Variants in ABTB3 observed in about 807,000 individuals in gnomAD.
ABTB3 encodes ankyrin repeat- and BTB/POZ domain-containing protein 3.
At chr12:107,426,041 A>T in the ABTB3 span, among the ~76,000 whole-genome samples, 1 of 142,106 alleles carries the variant, frequency 7.0e-6, no homozygotes, top group Non-Finnish European at 1.5e-5. Context: ...CCTCCCTCCC[A>T]CCCCCAGCAA....
chr12:107,482,418 T>C, the ABTB3 span, among the ~76,000 whole-genome samples: 1 of 152,126 alleles, frequency 6.6e-6, no homozygotes, highest in East Asian at 1.9e-4. Context: ...TTTGCTCTCT[T>C]CATGGCCGGG....
the ABTB3 span, among the ~76,000 whole-genome samples, chr12:107,586,023 G>T: frequency 6.6e-6 from 1 of 152,192 alleles, no homozygotes; most frequent in Non-Finnish European, 1.5e-5. Context: ...GCAGACAAAT[G>T]AGCAAGATTA....
chr12:107,324,818 T>A, the ABTB3 span, among the ~76,000 whole-genome samples: 1 of 152,184 alleles, frequency 6.6e-6, no homozygotes, highest in South Asian at 2.1e-4. Context: ...GAAGAGGCAG[T>A]ATGGAATGAT....
chr12:107,645,890 T>C, the ABTB3 span, among the ~76,000 whole-genome samples: 2 of 152,196 alleles, frequency 1.3e-5, no homozygotes, highest in African/African-American at 4.8e-5. Context: ...CCCGGGGACT[T>C]TTCCGTGTGC....
chr12:107,367,705 A>G, the ABTB3 span, among the ~76,000 whole-genome samples: 1 of 151,958 alleles, frequency 6.6e-6, no homozygotes, highest in Admixed American at 6.6e-5. Context: ...GGATTTTACC[A>G]TGTTGCCCAG....
At chr12:107,512,677 CA>C in the ABTB3 span, among the ~76,000 whole-genome samples, 1 of 152,198 alleles carries the variant, frequency 6.6e-6, no homozygotes, top group Non-Finnish European at 1.5e-5. Flanking sequence ...GCTCTGGAAT[CA>C]GAAGACTTGG....
chr12:107,656,272 G>A, the ABTB3 span, among the ~76,000 whole-genome samples: 90 of 150,530 alleles, frequency 6.0e-4, no homozygotes, highest in East Asian at 0.016. Flanking sequence ...CCGTACTCCA[G>A]CCTGAGCCAC....
the ABTB3 span, among the ~76,000 whole-genome samples, chr12:107,546,409 A>G: frequency 6.6e-6 from 1 of 152,304 alleles, no homozygotes; most frequent in African/African-American, 2.4e-5. Flanking sequence ...CCCCAGTCAG[A>G]AAACTGAGAC....
chr12:107,371,311 A>G, the ABTB3 span, among the ~76,000 whole-genome samples: 1 of 152,190 alleles, frequency 6.6e-6, no homozygotes, highest in African/African-American at 2.4e-5. Flanking sequence ...GTTGCTAAAC[A>G]GCCTCACACT....
the ABTB3 span, among the ~76,000 whole-genome samples, chr12:107,358,341 C>A: frequency 2.0e-5 from 3 of 152,176 alleles, no homozygotes; most frequent in South Asian, 6.2e-4. Flanking sequence ...TCCACAGATA[C>A]CTGGAGAAGG....
chr12:107,574,691 C>T, the ABTB3 span, among the ~76,000 whole-genome samples: 9 of 151,898 alleles, frequency 5.9e-5, no homozygotes, highest in South Asian at 1.0e-3. Flanking sequence ...CGCAACAGAG[C>T]GGGACTCCAT....
At chr12:107,541,142 T>A in the ABTB3 span, among the ~76,000 whole-genome samples, 1 of 152,230 alleles carries the variant, frequency 6.6e-6, no homozygotes, top group Non-Finnish European at 1.5e-5. Context: ...CAGTCATCTT[T>A]TGAAGTAGTG....
At chr12:107,537,368 AGAGAG>A in the ABTB3 span, among the ~76,000 whole-genome samples, 1 of 152,208 alleles carries the variant, frequency 6.6e-6, no homozygotes, top group Non-Finnish European at 1.5e-5. Flanking sequence ...GAAAGCTAGA[AGAGAG>A]GATTTTGAAT....
At chr12:107,502,037 A>G in the ABTB3 span, among the ~76,000 whole-genome samples, 9 of 150,882 alleles carry the variant, frequency 6.0e-5, no homozygotes, top group African/African-American at 2.2e-4. Flanking sequence ...TTTTCACTTA[A>G]TTGGTCTGGG....
the ABTB3 span, among the ~76,000 whole-genome samples, chr12:107,635,988 G>T: frequency 1.3e-5 from 2 of 151,990 alleles, no homozygotes; most frequent in South Asian, 4.2e-4. Flanking sequence ...CTTCTGGGAG[G>T]CGTGCACTGT....
At chr12:107,458,186 G>A in the ABTB3 span, among the ~76,000 whole-genome samples, 1 of 152,168 alleles carries the variant, frequency 6.6e-6, no homozygotes, top group African/African-American at 2.4e-5. Flanking sequence ...GGGAAATAGT[G>A]TGTACTGAGT....
At chr12:107,619,423 T>C in the ABTB3 span, among the ~76,000 whole-genome samples, 1 of 152,182 alleles carries the variant, frequency 6.6e-6, no homozygotes, top group Admixed American at 6.5e-5. Context: ...TATCCTCCCA[T>C]GTCTTCTTAT....
the ABTB3 span, among the ~76,000 whole-genome samples, chr12:107,582,199 G>C: frequency 6.6e-6 from 1 of 152,192 alleles, no homozygotes; most frequent in Non-Finnish European, 1.5e-5. Flanking sequence ...AACATGCAGA[G>C]AGCGAGTCAA....
the ABTB3 span, among the ~76,000 whole-genome samples, chr12:107,454,808 A>G: frequency 6.6e-6 from 1 of 152,060 alleles, no homozygotes; most frequent in Non-Finnish European, 1.5e-5. Context: ...TCATATTTGT[A>G]CCTCTGTTAA....
Sources: gnomAD v4.1 joint callset for allele counts (sites outside exome capture counted in the v4.1 genomes callset) on GRCh38, gnomAD v4.1.1 for gene constraint, MANE v1.5 for transcripts, NCBI Gene and HGNC (gene_info 2026-07-23, HGNC 2026-07-21) for gene names.